The following LIMS2 variants were observed in gnomAD, a reference collection of about 807,000 sequenced individuals.
The protein encoded by LIMS2 is LIM zinc finger domain containing 2, also known as LIM and senescent cell antigen-like-containing domain protein 2.
LIMS2 carries 30 observed loss-of-function variants against 45.3 expected under a neutral mutation model. That is an observed-to-expected ratio of 0.66 (90% CI 0.50 to 0.90). The LOEUF (loss-of-function observed/expected upper bound fraction) is 0.90, where lower values mean the gene tolerates loss of function less well. Among genes scored for constraint, LIMS2 ranks in the 40% least tolerant of loss-of-function variants. The pLI is 0.00. For synonymous variants in LIMS2, 173 were observed against 188.0 expected, an observed-to-expected ratio of 0.92 and a Z score of 0.65; for missense variants, 485 against 468.7, an observed-to-expected ratio of 1.03 and a Z score of -0.32.
rs138275119 is a variant in LIMS2, at chr2:127,642,074, G to T, written c.635C>A (p.Ala212Glu). 1.2e-5 allele frequency: 20 copies of T among 1,611,002 alleles called. No homozygotes were observed. Among genetic ancestry groups the T allele is most frequent in the Non-Finnish European group, 1.7e-5 (20 of 1,179,014 alleles). ...CTCCACGTGCCACTGCTTGCCCAGC[G>T]CGTTGACCACTCGGCCCTCGATGGG... ...RRPIEGRVVNALGKQWHVEHF... is the reference protein window; with the variant it reads ...RRPIEGRVVNELGKQWHVEHF... Residue 212 changes from alanine (A) to glutamate (E), a missense_variant, in exon 6 of 10, where the codon GCG becomes GAG. Coordinates refer to ENST00000355119, the MANE Select transcript of LIMS2 (RefSeq NM_001161403.3). This position sits in a 1 kb window ranked among gnomAD's most constrained non-coding sequence, Gnocchi z 5.3.
intron 4 of LIMS2, among the ~76,000 whole-genome samples, chr2:127,649,043 AAG>A (rs199914025): frequency 0.1 from 7,005 of 68,208 alleles, 1,299 homozygotes; most frequent in Non-Finnish European, 0.12. Flanking sequence ...AAAAGAAAGA[AAG>A]AGAAAAGAAG....
intron 1 of LIMS2, among the ~76,000 whole-genome samples, chr2:127,663,428 C>T (rs1003895063): frequency 6.6e-6 from 1 of 152,176 alleles, no homozygotes; most frequent in African/African-American, 2.4e-5. Context: ...ACTCGGTGCC[C>T]TCCTTCCTCT....
intron 3 of LIMS2, 114 bp from the exon 4 acceptor site, chr2:127,654,658 C>G: frequency 1.3e-6 from 2 of 1,539,258 alleles, no homozygotes; most frequent in Non-Finnish European, 1.8e-6. Flanking sequence ...CCCATGGGCT[C>G]CCTCGTGGGA....
At chr2:127,665,608 C>A (rs1370174901) in intron 1 of LIMS2, among the ~76,000 whole-genome samples, 1 of 152,198 alleles carries the variant, frequency 6.6e-6, no homozygotes, top group African/African-American at 2.4e-5. Flanking sequence ...AGAAGCTGAG[C>A]CCAGAGGAGC....
upstream of LIMS2, among the ~76,000 whole-genome samples, chr2:127,675,619 C>A (rs1035562212): frequency 6.6e-6 from 1 of 151,952 alleles, no homozygotes; most frequent in Non-Finnish European, 1.5e-5. Flanking sequence ...CCCGCCGGGA[C>A]GCCCCGCCCG....
rs777058274 is a variant in LIMS2 at position 127,658,816 on chromosome 2, G to A, written c.12-1254C>T. 3.3e-5 allele frequency among the ~76,000 whole-genome samples: 5 copies of A among 152,218 alleles called. No individual in the cohort carries two copies. In the East Asian group the frequency reaches 7.7e-4, roughly 23 times the overall value. The stretch of plus-strand genomic sequence containing the variant: ...GGGAGTGACGCAACCAGCTGGTAAC[G>A]TCTGCCTGGTTGCAGCCGGGTGGTG... On this transcript the variant is annotated intron_variant, in intron 1 of 9. Coordinates refer to ENST00000355119, the MANE Select transcript of LIMS2 (RefSeq NM_001161403.3).
At position 127,674,012 on chromosome 2, in the gene LIMS2, A is replaced by G. The variant is rs1685397440; in HGVS notation, c.11+1002T>C. Reference sequence around the variant, plus strand: ...GGAGGGCAGGACTTACAAAGTGACAAGTTACAGGCTATTTTTGGTTCCTGG... The same window carrying G: ...GGAGGGCAGGACTTACAAAGTGACAGGTTACAGGCTATTTTTGGTTCCTGG... On this transcript the variant is annotated intron_variant, in intron 1 of 9. Transcript: ENST00000355119. 8 of 458,650 alleles carry G rather than the reference A, an allele frequency of 1.7e-5. No homozygotes were observed. In the South Asian group the frequency reaches 1.8e-4, roughly 10 times the overall value. 28.4% of individuals were successfully genotyped at this position (458,650 alleles called of 1,614,324 possible).
chr2:127,640,351 A>C, intron 7 of LIMS2, 33 bp from the exon 8 acceptor site: 1 of 1,608,552 alleles, frequency 6.2e-7, no homozygotes, highest in South Asian at 1.1e-5. Flanking sequence ...GAGTAGCTGC[A>C]GGCAGTCACA....
intron 4 of LIMS2, chr2:127,648,249 A>G (rs1683214406): frequency 1.0e-6 from 1 of 958,976 alleles, no homozygotes; most frequent in Non-Finnish European, 1.2e-6. Context: ...AACTTCAGGC[A>G]TCTTGAAACA....
intron 4 of LIMS2, chr2:127,650,178 C>A: frequency 9.0e-7 from 1 of 1,109,504 alleles, no homozygotes; most frequent in East Asian, 2.6e-5. Context: ...TCAGGGGAAG[C>A]AGAAAGCGGT....
At chr2:127,677,171 G>T (rs1053485713), upstream of LIMS2, among the ~76,000 whole-genome samples, 3 of 152,236 alleles carry the variant, frequency 2.0e-5, no homozygotes, top group Non-Finnish European at 4.4e-5. The surrounding 1 kb of genome is among the most constrained non-coding windows in gnomAD (Gnocchi z 5.0). Context: ...AGAGGGCAGA[G>T]TTGCAGGAAA....
chr2:127,659,387 G>A (rs1684470241), intron 1 of LIMS2, among the ~76,000 whole-genome samples: 1 of 152,192 alleles, frequency 6.6e-6, no homozygotes, highest in South Asian at 2.1e-4. Flanking sequence ...GGAGGCCTCG[G>A]CACCCAGCGG....
chr2:127,654,270 G>C (rs571607087), intron 4 of LIMS2, among the ~76,000 whole-genome samples, 154 bp downstream of exon 4: 1 of 152,180 alleles, frequency 6.6e-6, no homozygotes, highest in African/African-American at 2.4e-5. Context: ...TATCCGCCCC[G>C]GGGTGACCTG....
Position 127,651,385 on chromosome 2 carries a change from G to A in LIMS2, c.359+3039C>T, listed in dbSNP as rs151092449. 9.2e-5 allele frequency: 149 copies of A among 1,612,558 alleles called. No homozygotes were observed. Among genetic ancestry groups the A allele is most frequent in the East Asian group, 2.7e-4 (12 of 44,886 alleles). On this transcript the variant is annotated intron_variant, in intron 4 of 9. Transcript: ENST00000355119. ...GTCACCTGCTACCTGCTGATCATCC[G>A]CAGCCTGCGGCAGGGCCTGCGTGTG...
chr2:127,673,635 C>T lies in LIMS2; in HGVS notation c.11+1379G>A, dbSNP rs1194592816. Reference sequence around the variant, plus strand: ...CCGCACCCTTCACGGCTCTGTTCTCCTCGACATCCCTCCTGTGCCTGAAGG... The same window carrying T: ...CCGCACCCTTCACGGCTCTGTTCTCTTCGACATCCCTCCTGTGCCTGAAGG... On this transcript the variant is annotated intron_variant, in intron 1 of 9. Coordinates refer to ENST00000355119, the MANE Select transcript of LIMS2 (RefSeq NM_001161403.3). 5 of 1,543,114 alleles carry T rather than the reference C, an allele frequency of 3.2e-6. No individual in the cohort carries two copies. In the East Asian group the frequency reaches 9.8e-5, roughly 30 times the overall value.
At chr2:127,649,224 T>C (rs1214905228) in intron 4 of LIMS2, among the ~76,000 whole-genome samples, 1 of 86,644 alleles carries the variant, frequency 1.2e-5, no homozygotes. Context: ...CAGGGAGAAA[T>C]GTGCAGAGTG....
rs1684151728 is a variant in LIMS2 at position 127,654,908 on chromosome 2, T to C, written c.172-12A>G. 6.2e-7 allele frequency: 1 copy of C among 1,612,770 alleles called. No homozygotes were observed. Among genetic ancestry groups the C allele is most frequent in the Non-Finnish European group, 8.5e-7 (1 of 1,179,410 alleles). On this transcript the variant is annotated splice_polypyrimidine_tract_variant and intron_variant, in intron 2 of 9. Coordinates refer to ENST00000355119, the MANE Select transcript of LIMS2 (RefSeq NM_001161403.3). The stretch of plus-strand genomic sequence containing the variant: ...TTCCGGCCTTCAAACTGCAAAGGGG[T>C]CGCAGAGAGAGGACAAGCAAACCAC...
chr2:127,667,610 G>C lies in LIMS2; in HGVS notation c.11+7404C>G, dbSNP rs186498802. The stretch of plus-strand genomic sequence containing the variant: ...AGGACACTCTATGACCATCTCAACA[G>C]ATGCAGAAAACACATTTGGCAAAAT... On this transcript the variant is annotated intron_variant, in intron 1 of 9. Transcript: ENST00000355119. The surrounding 1 kb of genome is among the most constrained non-coding windows in gnomAD (Gnocchi z 4.1). Among the ~76,000 whole-genome samples the C allele has an allele frequency of 3.7e-4, 57 of 152,320 alleles. No individual in the cohort carries two copies. The highest frequency in any genetic ancestry group is 3.4e-3 in the Middle Eastern group (1 of 294).
chr2:127,649,256 C>T (rs887581769), intron 4 of LIMS2, among the ~76,000 whole-genome samples: 10 of 151,376 alleles, frequency 6.6e-5, no homozygotes, highest in Middle Eastern at 3.4e-3. Flanking sequence ...GGCAGGACCC[C>T]GGCTGTTCGG....
Sources: gnomAD v4.1 joint callset for allele counts (sites outside exome capture counted in the v4.1 genomes callset) on GRCh38, gnomAD v4.1.1 for gene constraint, Gnocchi (gnomAD v3.1) non-coding constraint, MANE v1.5 for transcripts, NCBI Gene and HGNC (gene_info 2026-07-23, HGNC 2026-07-21) for gene names.